Variants in TRHDE observed in about 807,000 individuals in gnomAD.
The protein encoded by TRHDE is thyrotropin-releasing hormone-degrading ectoenzyme.
A neutral mutation model predicts 125.7 loss-of-function variants in TRHDE; 72 were observed. That is an observed-to-expected ratio of 0.57 (90% CI 0.47 to 0.70). The LOEUF is 0.70. Ranked by LOEUF, TRHDE falls within the 30% of genes least tolerant of loss-of-function variation. The probability of loss-of-function intolerance (pLI) is 0.00; values close to 1 mark genes in which losing one functional copy is unlikely to be tolerated. For synonymous variants in TRHDE, 509 were observed against 509.1 expected, an observed-to-expected ratio of 1.00 and a Z score of 0.00; for missense variants, 1,110 against 1,327.1, an observed-to-expected ratio of 0.84 and a Z score of 2.54.
At chr12:72,120,674 C>CTTTTTTTT (rs36076979) in intron 2 of TRHDE, among the ~76,000 whole-genome samples, 8 of 118,776 alleles carry the variant, frequency 6.7e-5, no homozygotes, top group Non-Finnish European at 1.0e-4. Context: ...TACTCTTTAA[C>CTTTTTTTT]TTTTTTTTTT....
intron 2 of TRHDE, among the ~76,000 whole-genome samples, chr12:72,209,044 CCTT>C (rs1241546598): frequency 1.3e-5 from 2 of 152,138 alleles, no homozygotes; most frequent in African/African-American, 4.8e-5. Flanking sequence ...AGATTGGCCT[CCTT>C]GTCTATTTCT....
chr12:72,381,655 C>A (rs1314241808), intron 3 of TRHDE, among the ~76,000 whole-genome samples: 1 of 152,112 alleles, frequency 6.6e-6, no homozygotes, highest in Non-Finnish European at 1.5e-5. Context: ...CTCGGCCTCC[C>A]AAAGTGCTGG....
At chr12:72,639,503 ATCAAAG>A (rs1873935336) in intron 15 of TRHDE, among the ~76,000 whole-genome samples, 1 of 150,782 alleles carries the variant, frequency 6.6e-6, no homozygotes, top group Non-Finnish European at 1.5e-5. Flanking sequence ...CTCTCAGCTC[ATCAAAG>A]TCATTCTCCG....
intron 15 of TRHDE, among the ~76,000 whole-genome samples, chr12:72,649,299 GAT>G (rs1161798069): frequency 1.3e-5 from 2 of 151,254 alleles, no homozygotes; most frequent in Non-Finnish European, 2.9e-5. Context: ...AAAAAAAAAA[GAT>G]AGTGTTTTCA....
At chr12:72,412,086 C>A (rs183630792) in intron 3 of TRHDE, among the ~76,000 whole-genome samples, 144 of 152,070 alleles carry the variant, frequency 9.5e-4, no homozygotes, top group African/African-American at 3.1e-3. Context: ...AGATATAAAA[C>A]CCAGTACCTA....
At chr12:72,588,579 G>A (rs143456877) in intron 12 of TRHDE, among the ~76,000 whole-genome samples, 71 of 152,292 alleles carry the variant, frequency 4.7e-4, no homozygotes, top group Middle Eastern at 6.8e-3. Context: ...GAGCAGAAGA[G>A]TGACATGACC....
intron 2 of TRHDE, among the ~76,000 whole-genome samples, chr12:72,166,674 G>T (rs1876756482): frequency 1.3e-5 from 2 of 152,072 alleles, no homozygotes; most frequent in Admixed American, 6.6e-5. Context: ...ACCTAGGACT[G>T]GATGGGAAGT....
At chr12:72,323,407 T>G (rs1283099919) in intron 2 of TRHDE, among the ~76,000 whole-genome samples, 1 of 152,116 alleles carries the variant, frequency 6.6e-6, no homozygotes, top group Non-Finnish European at 1.5e-5. Flanking sequence ...TTAGAACTGT[T>G]GGTAATGAAA....
At chr12:72,361,577 T>C (rs1452769538) in intron 2 of TRHDE, among the ~76,000 whole-genome samples, 1 of 151,508 alleles carries the variant, frequency 6.6e-6, no homozygotes, top group Non-Finnish European at 1.5e-5. Context: ...TTATTATTAT[T>C]ATACTTTAAG....
intron 3 of TRHDE, among the ~76,000 whole-genome samples, chr12:72,403,687 A>T (rs1873142177): frequency 6.6e-6 from 1 of 152,208 alleles, no homozygotes; most frequent in Non-Finnish European, 1.5e-5. Context: ...AATAAGCCAG[A>T]TCCAAAGGCA....
chr12:72,301,781 T>C (rs946237173), intron 2 of TRHDE, among the ~76,000 whole-genome samples: 2 of 152,126 alleles, frequency 1.3e-5, no homozygotes, highest in Non-Finnish European at 2.9e-5. Flanking sequence ...TAAGATCAAG[T>C]TGATGTCTCA....
At chr12:72,198,415 T>A (rs1877487033) in intron 2 of TRHDE, among the ~76,000 whole-genome samples, 1 of 152,192 alleles carries the variant, frequency 6.6e-6, no homozygotes, top group South Asian at 2.1e-4. Context: ...TATACTATAT[T>A]GTTCACTTCT....
chr12:72,638,027 G>C (rs1408929620), intron 15 of TRHDE, among the ~76,000 whole-genome samples: 1 of 150,720 alleles, frequency 6.6e-6, no homozygotes, highest in Admixed American at 6.6e-5. Context: ...GGTCCGCTTG[G>C]TGCAGAGCTG....
intron 3 of TRHDE, among the ~76,000 whole-genome samples, chr12:72,394,573 C>A (rs1034405888): frequency 6.6e-6 from 1 of 152,124 alleles, no homozygotes; most frequent in Non-Finnish European, 1.5e-5. Flanking sequence ...ATTGAAACTC[C>A]CCTATGCAAA....
intron 2 of TRHDE, among the ~76,000 whole-genome samples, chr12:72,373,952 G>C (rs1421237997): frequency 6.6e-6 from 1 of 152,154 alleles, no homozygotes; most frequent in Non-Finnish European, 1.5e-5. Flanking sequence ...CCAGAAGAGT[G>C]CGTGATTTGA....
intron 3 of TRHDE, among the ~76,000 whole-genome samples, chr12:72,448,478 T>A (rs1338948729): frequency 6.6e-6 from 1 of 152,106 alleles, no homozygotes; most frequent in Non-Finnish European, 1.5e-5. Context: ...AGTATCAGTG[T>A]TAAGCAGTTA....
intron 3 of TRHDE, among the ~76,000 whole-genome samples, chr12:72,435,326 T>G (rs1478556569): frequency 6.6e-6 from 1 of 152,194 alleles, no homozygotes; most frequent in Non-Finnish European, 1.5e-5. Flanking sequence ...CAGCAGTTTA[T>G]TTAACTAATC....
intron 3 of TRHDE, among the ~76,000 whole-genome samples, chr12:72,468,639 G>T (rs748250532): frequency 6.6e-6 from 1 of 152,182 alleles, no homozygotes; most frequent in Admixed American, 6.5e-5. Context: ...AGCAAGGAGC[G>T]CTAGCTATTT....
chr12:72,661,224 G>C (rs191662857), intron 18 of TRHDE, among the ~76,000 whole-genome samples: 1 of 152,030 alleles, frequency 6.6e-6, no homozygotes, highest in South Asian at 2.1e-4. Context: ...GTCAATAAAC[G>C]TTCATATTCA....
Sources: gnomAD v4.1 joint callset for allele counts (sites outside exome capture counted in the v4.1 genomes callset) on GRCh38, gnomAD v4.1.1 for gene constraint, MANE v1.5 for transcripts, NCBI Gene and HGNC (gene_info 2026-07-23, HGNC 2026-07-21) for gene names.